DAAM1: variants seen among roughly 807,000 people sequenced by gnomAD.
The protein encoded by DAAM1 is disheveled-associated activator of morphogenesis 1.
DAAM1 carries 52 observed loss-of-function variants against 130.0 expected under a neutral mutation model. The ratio of observed to expected loss-of-function variants is 0.40; its 90% CI spans 0.32 to 0.50. The LOEUF is 0.50. Among genes scored for constraint, DAAM1 ranks in the 20% least tolerant of loss-of-function variants. The pLI, the probability that DAAM1 is intolerant of heterozygous loss-of-function variation, is 0.61. For missense variants in DAAM1, 1,134 were observed against 1,303.8 expected (o/e 0.87, Z 2.01); for synonymous variants, 452 against 444.5 (o/e 1.02, Z -0.21).
chr14:59,222,344 C>T (rs1437165954), intron 1 of DAAM1, among the ~76,000 whole-genome samples: 1 of 152,184 alleles, frequency 6.6e-6, no homozygotes, highest in Non-Finnish European at 1.5e-5. Context: ...AATTCATCTC[C>T]AGAGTCAATG....
At chr14:59,347,213 G>A (rs1272858) in intron 16 of DAAM1, among the ~76,000 whole-genome samples, 117,551 of 152,164 alleles carry the variant, frequency 0.77, 45,902 homozygotes, top group East Asian at 0.85. Flanking sequence ...CCCGCCTGCA[G>A]TTCATGGATC....
At chr14:59,343,225 G>C (rs906084991) in intron 16 of DAAM1, among the ~76,000 whole-genome samples, 1 of 152,166 alleles carries the variant, frequency 6.6e-6, no homozygotes, top group African/African-American at 2.4e-5. Flanking sequence ...CTGTGTGTTT[G>C]TTTAATAAGG....
At chr14:59,202,241 C>T (rs1055611490) in intron 1 of DAAM1, among the ~76,000 whole-genome samples, 2 of 152,194 alleles carry the variant, frequency 1.3e-5, no homozygotes, top group Non-Finnish European at 1.5e-5. Context: ...TGGGCAGGTC[C>T]GTTTCAAGTT....
chr14:59,196,055 G>A lies in DAAM1; in HGVS notation c.-38+7287G>A, dbSNP rs1386839616. Among the ~76,000 whole-genome samples the A allele has an allele frequency of 2.6e-5, 4 of 152,180 alleles. No individual in the cohort carries two copies. The South Asian group carries it at 6.2e-4, about 24-fold the overall frequency. On this transcript the variant is annotated intron_variant, in intron 1 of 24. Coordinates refer to ENST00000360909, the MANE Select transcript of DAAM1 (RefSeq NM_001270520.2). ...ACTGCCAGCAGCTTGCTAAGGAACC[G>A]TATGCTTCTGACAGTTGTCCTCCTG...
At chr14:59,294,959 A>G (rs988382217) in intron 3 of DAAM1, among the ~76,000 whole-genome samples, 1 of 152,240 alleles carries the variant, frequency 6.6e-6, no homozygotes, top group Non-Finnish European at 1.5e-5. Context: ...GGAAGAAATC[A>G]TCTTTAATTG....
chr14:59,282,544 A>G (rs745533174), intron 2 of DAAM1, among the ~76,000 whole-genome samples: 1 of 152,132 alleles, frequency 6.6e-6, no homozygotes, highest in African/African-American at 2.4e-5. Flanking sequence ...CAGTAGATGG[A>G]TGCATTTTGA....
chr14:59,244,525 C>G (rs1167821272), intron 1 of DAAM1, among the ~76,000 whole-genome samples: 1 of 152,108 alleles, frequency 6.6e-6, no homozygotes, highest in Non-Finnish European at 1.5e-5. Flanking sequence ...TTTTGTTCAT[C>G]CTTATATACC....
At chr14:59,251,508 C>G (rs1881641774) in intron 1 of DAAM1, among the ~76,000 whole-genome samples, 1 of 150,432 alleles carries the variant, frequency 6.6e-6, no homozygotes, top group Non-Finnish European at 1.5e-5. Context: ...TGAAAGTTCT[C>G]AACATGAAGG....
At position 59,340,277 on chromosome 14, in the gene DAAM1, G is replaced by T. The variant is rs1055453187; in HGVS notation, c.2075+97G>T. 2.7e-6 allele frequency: 3 copies of T among 1,119,798 alleles called. No individual in the cohort carries two copies. The African/African-American group carries it at 4.6e-5, about 17-fold the overall frequency. The allele number at this position is 1,119,798 out of a possible 1,614,324, so 69.4% of individuals were successfully genotyped here. A position where few individuals can be genotyped will look rare whatever the true frequency, so the allele number is the denominator to read the frequency against. On this transcript the variant is annotated intron_variant, in intron 16 of 24. Coordinates refer to ENST00000360909, the MANE Select transcript of DAAM1 (RefSeq NM_001270520.2). ...AGTGATTTTGTTTTAATTGTACTCT[G>T]CTGAGGTACAGTTCTTTGGATCCCC...
intron 1 of DAAM1, among the ~76,000 whole-genome samples, chr14:59,190,415 T>C (rs1887697706): frequency 6.6e-6 from 1 of 152,192 alleles, no homozygotes; most frequent in Admixed American, 6.5e-5. Context: ...AGCTTTGTCA[T>C]GAAAGGCGCC....
chr14:59,323,294 T>C, intron 6 of DAAM1, 69 bp downstream of exon 6: 1 of 1,441,300 alleles, frequency 6.9e-7, no homozygotes, highest in Non-Finnish European at 9.3e-7. Flanking sequence ...GCTTTTCCTG[T>C]CCCTGAAAGG....
At chr14:59,322,822 A>C in intron 5 of DAAM1, 70 bp from the exon 6 acceptor site, 1 of 1,286,280 alleles carries the variant, frequency 7.8e-7, no homozygotes. Context: ...CCTGCCCTCT[A>C]GACTTTTCTG....
At chr14:59,232,557 C>G (rs1889143763) in intron 1 of DAAM1, among the ~76,000 whole-genome samples, 1 of 151,886 alleles carries the variant, frequency 6.6e-6, no homozygotes, top group South Asian at 2.1e-4. Flanking sequence ...TAAAATAAGC[C>G]ATGTAGTATG....
chr14:59,353,477 T>G (rs1886363346), intron 18 of DAAM1, among the ~76,000 whole-genome samples: 1 of 152,260 alleles, frequency 6.6e-6, no homozygotes, highest in South Asian at 2.1e-4. Flanking sequence ...TGTACGGAAC[T>G]GTCCTTTATT....
chr14:59,195,476 C>T (rs1430750235), intron 1 of DAAM1, among the ~76,000 whole-genome samples: 1 of 152,058 alleles, frequency 6.6e-6, no homozygotes, highest in African/African-American at 2.4e-5. Flanking sequence ...ATGTCATTCA[C>T]CTTTAGTAAT....
At chr14:59,240,651 A>G (rs956310169) in intron 1 of DAAM1, among the ~76,000 whole-genome samples, 1 of 152,152 alleles carries the variant, frequency 6.6e-6, no homozygotes, top group Non-Finnish European at 1.5e-5. Context: ...AAAAGCAACT[A>G]TTGTAAATTT....
intron 12 of DAAM1, among the ~76,000 whole-genome samples, chr14:59,329,497 G>A (rs544867488): frequency 6.6e-6 from 1 of 152,270 alleles, no homozygotes; most frequent in South Asian, 2.1e-4. Context: ...GTCAGAGACA[G>A]AGAAAACAAG....
At chr14:59,206,233 G>C (rs1888253750) in intron 1 of DAAM1, among the ~76,000 whole-genome samples, 1 of 152,104 alleles carries the variant, frequency 6.6e-6, no homozygotes, top group Admixed American at 6.5e-5. Flanking sequence ...ATGTAAGATT[G>C]TGTAATTCAC....
Position 59,330,610 on chromosome 14 carries a change from T to G in DAAM1, c.1482T>G (p.Leu494=). ...MQTLNKMKEK[L]EKETTEHKQV... is the part of the protein sequence containing the mutation. The stretch of plus-strand genomic sequence containing the variant: ...CCTTAAATAAAATGAAAGAGAAACT[T>G]GAAAAGGAGACTACTGAGCATAAGC... The change falls in exon 13 of 25, where the codon CTT becomes CTG. Residue 494 remains leucine, a synonymous_variant. Coordinates refer to ENST00000360909, the MANE Select transcript of DAAM1 (RefSeq NM_001270520.2). 1.2e-6 allele frequency: 2 copies of G among 1,613,786 alleles called. No homozygotes were observed. The highest frequency in any genetic ancestry group is 1.7e-6 in the Non-Finnish European group (2 of 1,179,912).
Sources: gnomAD v4.1 joint callset for allele counts (sites outside exome capture counted in the v4.1 genomes callset) on GRCh38, gnomAD v4.1.1 for gene constraint, MANE v1.5 for transcripts, NCBI Gene and HGNC (gene_info 2026-07-23, HGNC 2026-07-21) for gene names.